NEDD9: variants seen among roughly 807,000 people sequenced by gnomAD.
NEDD9 encodes the protein neural precursor cell expressed, developmentally down-regulated 9.
In NEDD9, 26 loss-of-function variants were observed where a neutral mutation model predicts 76.6. The ratio of observed to expected loss-of-function variants is 0.34; its 90% CI spans 0.25 to 0.47. The LOEUF (loss-of-function observed/expected upper bound fraction) is 0.47, where lower values mean the gene tolerates loss of function less well. NEDD9 is among the 20% of genes least tolerant of loss of function. The pLI is 1.00. For synonymous variants in NEDD9, 392 were observed against 414.2 expected, an observed-to-expected ratio of 0.95 and a Z score of 0.65; for missense variants, 937 against 1,058.5, an observed-to-expected ratio of 0.89 and a Z score of 1.59.
In NEDD9 at chr6:11,185,659, G is replaced by T. The variant is rs1209690081; in HGVS notation, c.2008C>A (p.Gln670Lys). The change falls in exon 7 of 7, where the codon CAG becomes AAG. Residue 670 changes from glutamine to lysine, a missense_variant. Coordinates refer to ENST00000379446, the MANE Select transcript of NEDD9 (RefSeq NM_006403.4). ...TTTGTAATCTCTTGTTCCAACAGCT[G>T]GAACTGGCTCAGCTGCAAGGAAGAC... is the stretch of plus-strand genomic sequence containing the variant. ...QLEHHQLSQF[Q>K]LLEQEITKPV... The T allele has an allele frequency of 1.2e-6, 2 of 1,614,142 alleles. No individual in the cohort carries two copies. The highest frequency in any genetic ancestry group is 3.3e-5 in the Admixed American group (2 of 60,028).
intron 3 of NEDD9, chr6:11,259,143 T>G (rs149341030): frequency 3.1e-4 from 47 of 152,332 alleles, no homozygotes; most frequent in African/African-American, 1.1e-3. Context: ...CAAGACCTTC[T>G]GGCAGCAGGA....
chr6:11,206,004 C>T (rs1358439240), intron 2 of NEDD9, among the ~76,000 whole-genome samples: 1 of 152,254 alleles, frequency 6.6e-6, no homozygotes, highest in African/African-American at 2.4e-5. Context: ...CAGCACATCT[C>T]TCTAGAAGTT....
At chr6:11,243,765 T>G (rs1210424506) in intron 3 of NEDD9, among the ~76,000 whole-genome samples, 1 of 152,214 alleles carries the variant, frequency 6.6e-6, no homozygotes, top group African/African-American at 2.4e-5. Context: ...CTTATCTATC[T>G]CATGCTCTCC....
In NEDD9 at chr6:11,292,043, T is replaced by C. The variant is rs374721671; in HGVS notation, c.12+13949A>G. On this transcript the variant is annotated intron_variant, in intron 3 of 3. Coordinates refer to the NEDD9 transcript ENST00000397378. ...GATAGTGATTAGGTCTGGGTGGTTA[T>C]TGATCATTTGGGGAAAATAGACTTA... is the stretch of plus-strand genomic sequence containing the variant. Among the ~76,000 whole-genome samples the C allele has an allele frequency of 2.0e-5, 3 of 152,214 alleles. No individual in the cohort carries two copies. The South Asian group carries it at 6.2e-4, about 32-fold the overall frequency.
intron 3 of NEDD9, among the ~76,000 whole-genome samples, chr6:11,254,584 C>G (rs1759969132): frequency 6.6e-6 from 1 of 152,210 alleles, no homozygotes; most frequent in Non-Finnish European, 1.5e-5. Flanking sequence ...GTCACCCAAA[C>G]AGTGTAAACT....
chr6:11,261,058 A>C (rs1760100904), intron 3 of NEDD9, among the ~76,000 whole-genome samples: 1 of 152,224 alleles, frequency 6.6e-6, no homozygotes, highest in South Asian at 2.1e-4. Context: ...CATTTTGGAA[A>C]GTAAGCTCAC....
At chr6:11,292,613 T>A (rs1439098930) in intron 3 of NEDD9, among the ~76,000 whole-genome samples, 2 of 152,230 alleles carry the variant, frequency 1.3e-5, no homozygotes, top group Non-Finnish European at 2.9e-5. Flanking sequence ...TGCACAAAAT[T>A]GCCTTTTAGT....
chr6:11,336,160 G>A (rs1343189475), intron 1 of NEDD9, among the ~76,000 whole-genome samples: 7 of 152,190 alleles, frequency 4.6e-5, no homozygotes, highest in East Asian at 1.9e-4. Flanking sequence ...CCTTGGCATC[G>A]CCAAGTGGAG....
chr6:11,226,407 C>T (rs1759310126), intron 1 of NEDD9, among the ~76,000 whole-genome samples: 1 of 152,142 alleles, frequency 6.6e-6, no homozygotes, highest in Admixed American at 6.5e-5. Flanking sequence ...GGCGAGAAGT[C>T]CTGGTAATTC....
At chr6:11,195,457 T>C (rs1304642080) in intron 2 of NEDD9, among the ~76,000 whole-genome samples, 1 of 116,728 alleles carries the variant, frequency 8.6e-6, no homozygotes, top group African/African-American at 2.8e-5. Flanking sequence ...CTTATATGAT[T>C]GTTTTTTTTT....
chr6:11,364,714 T>C (rs1762733563), intron 1 of NEDD9, among the ~76,000 whole-genome samples: 2 of 152,142 alleles, frequency 1.3e-5, no homozygotes, highest in Non-Finnish European at 2.9e-5. Context: ...TCTACTGTAT[T>C]AGGATGTAAT....
intron 1 of NEDD9, among the ~76,000 whole-genome samples, chr6:11,341,357 A>T (rs1762269533): frequency 6.6e-6 from 1 of 152,128 alleles, no homozygotes; most frequent in South Asian, 2.1e-4. Context: ...AGAGGCAGGG[A>T]TCAGAATCTG....
intron 2 of NEDD9, among the ~76,000 whole-genome samples, chr6:11,195,205 C>T (rs1456202008): frequency 1.3e-5 from 2 of 152,316 alleles, no homozygotes; most frequent in East Asian, 3.9e-4. Flanking sequence ...GGCTTTTAAT[C>T]CCTAGTGCTT....
intron 1 of NEDD9, among the ~76,000 whole-genome samples, chr6:11,364,391 G>A (rs1262837764): frequency 1.3e-5 from 2 of 152,196 alleles, no homozygotes; most frequent in African/African-American, 4.8e-5. Flanking sequence ...ATGTCTCTAT[G>A]ATGAATCCTG....
rs776832436 is a variant in NEDD9, at chr6:11,190,729, C to T, written c.1140G>A (p.Met380Ile). The T allele has an allele frequency of 1.9e-6, 3 of 1,614,154 alleles. No individual in the cohort carries two copies. In the South Asian group the frequency reaches 3.3e-5, roughly 18 times the overall value. ...CCTTGGAGGAGGTGGAAGACGTGGA[C>T]ATGTTACTCCGGGTGCTGCCTGTAC... ...FSSTGSTRSN[M>I]STSSTSSKES... The change falls in exon 5 of 7, where the codon ATG becomes ATA. Residue 380 changes from methionine (M) to isoleucine (I), a missense_variant. Coordinates refer to ENST00000379446, the MANE Select transcript of NEDD9 (RefSeq NM_006403.4). This position sits in a 1 kb window ranked among gnomAD's most constrained non-coding sequence, Gnocchi z 5.8.
rs566635485 is a variant in NEDD9 at position 11,352,982 on chromosome 6, G to A, written c.-213-18421C>T. ...CAGTAGGCTCTTCAAGCACAAATGT[G>A]TCCTTGGCTTTTGCCCTCCAGTGGA... On this transcript the variant is annotated intron_variant, in intron 1 of 3. Transcript: ENST00000397378. 1.1e-4 allele frequency among the ~76,000 whole-genome samples: 16 copies of A among 152,358 alleles called. No individual in the cohort carries two copies. The South Asian group carries it at 2.9e-3, about 28-fold the overall frequency.
At chr6:11,261,782 G>A (rs1266493961) in intron 3 of NEDD9, among the ~76,000 whole-genome samples, 3 of 147,888 alleles carry the variant, frequency 2.0e-5, no homozygotes, top group Admixed American at 1.3e-4. Flanking sequence ...TCTTCCCCTT[G>A]TTTTTGCTCT....
chr6:11,318,439 G>GGGTCACTGCATCA (rs1345712845), intron 2 of NEDD9, among the ~76,000 whole-genome samples: 3 of 152,064 alleles, frequency 2.0e-5, no homozygotes, highest in Admixed American at 6.5e-5. Context: ...GGGAGACGGC[G>GGGTCACTGCATCA]GGTCACTGCA....
chr6:11,373,877 T>C (rs755777202), intron 1 of NEDD9, among the ~76,000 whole-genome samples: 2 of 152,110 alleles, frequency 1.3e-5, no homozygotes, highest in Non-Finnish European at 2.9e-5. Context: ...AAGGCCTTAA[T>C]AGAAAAAAGA....
Sources: allele counts gnomAD v4.1 joint callset (sites outside exome capture counted in the v4.1 genomes callset), GRCh38; gene constraint gnomAD v4.1.1; non-coding constraint Gnocchi (gnomAD v3.1); transcripts MANE v1.5; gene names NCBI Gene and HGNC (gene_info 2026-07-23, HGNC 2026-07-21).